Variants in PLPPR1 observed in about 807,000 individuals in gnomAD.
PLPPR1 encodes phospholipid phosphatase related 1.
A neutral mutation model predicts 33.1 loss-of-function variants in PLPPR1; 10 were observed. The ratio of observed to expected loss-of-function variants is 0.30; its 90% CI spans 0.19 to 0.51. The LOEUF is 0.51. PLPPR1 is among the 20% of genes least tolerant of loss of function. PLPPR1 has a pLI of 0.97. For missense variants in PLPPR1, 304 were observed against 408.1 expected (o/e 0.74, Z 2.20); for synonymous variants, 151 against 151.0 (o/e 1.00, Z 0.00).
intron 1 of PLPPR1, chr9:101,125,333 AACTT>A (rs1831231813): frequency 6.0e-6 from 1 of 167,844 alleles, no homozygotes; most frequent in Non-Finnish European, 1.3e-5. Context: ...TACTTTACTT[AACTT>A]ACTTATCTCT....
In PLPPR1 at chr9:101,173,940, A is replaced by G. The variant is rs538238837; in HGVS notation, c.-45-11510A>G. Among the ~76,000 whole-genome samples the G allele has an allele frequency of 3.8e-4, 58 of 152,216 alleles. No individual in the cohort carries two copies. The Middle Eastern group carries it at 0.014, about 36-fold the overall frequency. On this transcript the variant is annotated intron_variant, in intron 1 of 7. Transcript: ENST00000374874. ...TCTTGCCTGCAAGATCAACAGTGAC[A>G]GAGTTGAGAAAAAATGTTCCAGCCT...
intron 2 of PLPPR1, among the ~76,000 whole-genome samples, chr9:101,245,586 T>C (rs1283629446): frequency 6.6e-6 from 1 of 152,006 alleles, no homozygotes; most frequent in Non-Finnish European, 1.5e-5. Flanking sequence ...CAACTTACAC[T>C]ATATATTTTT....
At chr9:101,206,896 G>T (rs1418240922) in intron 2 of PLPPR1, among the ~76,000 whole-genome samples, 1 of 151,964 alleles carries the variant, frequency 6.6e-6, no homozygotes, top group African/African-American at 2.4e-5. Context: ...TGGACCACCA[G>T]AGAAACCCCT....
intron 1 of PLPPR1, among the ~76,000 whole-genome samples, chr9:101,036,092 A>G (rs116240600): frequency 0.012 from 1,835 of 152,280 alleles, 34 homozygotes; most frequent in African/African-American, 0.042. Flanking sequence ...TAAATGTTGC[A>G]TTAAAATATT....
chr9:101,243,590 G>A (rs1007269207), intron 2 of PLPPR1, among the ~76,000 whole-genome samples: 1 of 151,998 alleles, frequency 6.6e-6, no homozygotes, highest in African/African-American at 2.4e-5. Context: ...GAAGTACTGT[G>A]AGAGGAGCCT....
At chr9:101,179,937 A>G (rs1826073893) in intron 1 of PLPPR1, among the ~76,000 whole-genome samples, 1 of 151,190 alleles carries the variant, frequency 6.6e-6, no homozygotes, top group Non-Finnish European at 1.5e-5. Context: ...TTCCCAACCT[A>G]TATATTTCTC....
intron 4 of PLPPR1, among the ~76,000 whole-genome samples, chr9:101,293,703 A>G (rs1162765509): frequency 6.6e-6 from 1 of 152,150 alleles, no homozygotes; most frequent in Non-Finnish European, 1.5e-5. Flanking sequence ...CTGAATGACT[A>G]CTGGGTACAT....
intron 1 of PLPPR1, among the ~76,000 whole-genome samples, chr9:101,146,781 A>G (rs1389395700): frequency 6.6e-6 from 1 of 152,222 alleles, no homozygotes; most frequent in Non-Finnish European, 1.5e-5. Flanking sequence ...TCCTAGGGTC[A>G]AGAAGCTTAA....
chr9:101,089,346 T>C (rs916310861), intron 1 of PLPPR1, among the ~76,000 whole-genome samples: 11 of 152,016 alleles, frequency 7.2e-5, no homozygotes, highest in African/African-American at 2.7e-4. Flanking sequence ...TTAATTGTTG[T>C]TAACCAAACA....
chr9:101,134,546 C>G (rs1337381685), intron 1 of PLPPR1, among the ~76,000 whole-genome samples: 1 of 151,930 alleles, frequency 6.6e-6, no homozygotes, highest in Non-Finnish European at 1.5e-5. Flanking sequence ...CCATGCCTGG[C>G]TAAATTTTTT....
chr9:101,109,396 G>C (rs1234649548), intron 1 of PLPPR1, among the ~76,000 whole-genome samples: 1 of 151,956 alleles, frequency 6.6e-6, no homozygotes, highest in Non-Finnish European at 1.5e-5. Flanking sequence ...TTCCCCAAGG[G>C]CGTAGTTGAT....
intron 4 of PLPPR1, among the ~76,000 whole-genome samples, chr9:101,294,203 A>T (rs1055447435): frequency 6.6e-6 from 1 of 152,110 alleles, no homozygotes; most frequent in Admixed American, 6.5e-5. Context: ...AAAATCTAGA[A>T]GAAATGGATA....
intron 1 of PLPPR1, among the ~76,000 whole-genome samples, chr9:101,080,537 A>G (rs1033992169): frequency 2.0e-5 from 3 of 151,896 alleles, no homozygotes; most frequent in Admixed American, 1.3e-4. Context: ...AAAAATAAAC[A>G]AAAACAAACA....
At chr9:101,223,862 A>G (rs1439019100) in intron 2 of PLPPR1, among the ~76,000 whole-genome samples, 1 of 152,198 alleles carries the variant, frequency 6.6e-6, no homozygotes. Context: ...ATATATATGA[A>G]GTACATATAT....
intron 2 of PLPPR1, among the ~76,000 whole-genome samples, chr9:101,243,385 A>C (rs188180253): frequency 1.1e-3 from 170 of 152,172 alleles, no homozygotes; most frequent in African/African-American, 3.9e-3. Flanking sequence ...TGTGCTGGAA[A>C]GAAGTGATGA....
At chr9:101,272,402 G>T in intron 3 of PLPPR1, among the ~76,000 whole-genome samples, 1 of 152,268 alleles carries the variant, frequency 6.6e-6, no homozygotes, top group East Asian at 1.9e-4. Context: ...TATGTAAAGC[G>T]CTTAGAAAGT....
At chr9:101,266,420 G>T (rs962143990) in intron 2 of PLPPR1, among the ~76,000 whole-genome samples, 12 of 147,588 alleles carry the variant, frequency 8.1e-5, no homozygotes, top group South Asian at 4.2e-4. Context: ...AAGAAAGAAA[G>T]AAAGAAATAA....
chr9:101,099,115 C>T (rs1830860753), intron 1 of PLPPR1, among the ~76,000 whole-genome samples: 1 of 139,066 alleles, frequency 7.2e-6, no homozygotes. Flanking sequence ...CGGGGGGAGG[C>T]GGGGGAGGAG....
intron 2 of PLPPR1, among the ~76,000 whole-genome samples, chr9:101,214,027 A>C (rs2118772146): frequency 1.3e-5 from 2 of 152,346 alleles, no homozygotes; most frequent in Non-Finnish European, 2.9e-5. Context: ...GAGAATGTGC[A>C]ATTCAGTCAC....
Sources: gnomAD v4.1 joint callset for allele counts (sites outside exome capture counted in the v4.1 genomes callset) on GRCh38, gnomAD v4.1.1 for gene constraint, MANE v1.5 for transcripts, NCBI Gene and HGNC (gene_info 2026-07-23, HGNC 2026-07-21) for gene names.